TRIQK: variants seen among roughly 807,000 people sequenced by gnomAD.
The protein encoded by TRIQK is triple QxxK/R motif-containing protein.
A neutral mutation model predicts 10.8 loss-of-function variants in TRIQK; 10 were observed. The ratio of observed to expected loss-of-function variants is 0.92; its 90% confidence interval spans 0.57 to 1.57. TRIQK has a LOEUF of 1.57. Among genes scored for constraint, TRIQK ranks in the 40% most tolerant of loss-of-function variants. The pLI is 0.00. For missense variants in TRIQK, 107 were observed against 97.7 expected (o/e 1.09, Z -0.40); for synonymous variants, 33 against 33.7 (o/e 0.98, Z 0.07).
At chr8:92,932,726 CCTT>C (rs1810795622) in intron 2 of TRIQK, among the ~76,000 whole-genome samples, 1 of 151,900 alleles carries the variant, frequency 6.6e-6, no homozygotes, top group African/African-American at 2.4e-5. Context: ...AAAAGCATTT[CCTT>C]CTCTCCATTT....
At chr8:93,004,163 T>C (rs905166035) in intron 1 of TRIQK, among the ~76,000 whole-genome samples, 1 of 152,230 alleles carries the variant, frequency 6.6e-6, no homozygotes, top group African/African-American at 2.4e-5. Context: ...ATGAAGGATC[T>C]AGCCCTGCTG....
At chr8:92,891,808 C>A (rs1414278022) in intron 4 of TRIQK, among the ~76,000 whole-genome samples, 181 bp downstream of exon 4, 1 of 151,836 alleles carries the variant, frequency 6.6e-6, no homozygotes, top group African/African-American at 2.4e-5. Flanking sequence ...CCTTCAAAAT[C>A]TCAGAATAGG....
At chr8:92,987,240 T>A (rs1813044476) in intron 1 of TRIQK, among the ~76,000 whole-genome samples, 1 of 152,174 alleles carries the variant, frequency 6.6e-6, no homozygotes, top group Non-Finnish European at 1.5e-5. Flanking sequence ...TATCAGAAAG[T>A]CCACTTCTGC....
chr8:92,962,638 A>G (rs1030234194), intron 1 of TRIQK, among the ~76,000 whole-genome samples: 1 of 152,194 alleles, frequency 6.6e-6, no homozygotes, highest in Non-Finnish European at 1.5e-5. Flanking sequence ...CCAGAGCACT[A>G]GATTAACAGT....
At chr8:93,003,309 G>GGAGACAGA (rs1813233359) in intron 1 of TRIQK, among the ~76,000 whole-genome samples, 1 of 135,610 alleles carries the variant, frequency 7.4e-6, no homozygotes, top group African/African-American at 3.0e-5. Flanking sequence ...CCCGCTTACA[G>GGAGACAGA]GAGAGAGAGA....
intron 1 of TRIQK, among the ~76,000 whole-genome samples, chr8:92,997,029 A>T (rs1333622024): frequency 6.6e-6 from 1 of 152,028 alleles, no homozygotes; most frequent in African/African-American, 2.4e-5. Context: ...TAGAAAATTT[A>T]TGATGACCAA....
Position 92,884,848 on chromosome 8 carries a change from G to T in TRIQK, c.*1774C>A, listed in dbSNP as rs546252756. ...TGTTCACGTAAATGTGATGGGAGTG[G>T]GGGGGTGGGGAGCAGTATTTCTTGA... On this transcript the variant is annotated 3_prime_UTR_variant, in exon 5 of 5. Coordinates refer to ENST00000521988, the MANE Select transcript of TRIQK (RefSeq NM_001171797.2). The T allele has an allele frequency of 8.8e-6, 4 of 455,762 alleles. No homozygotes were observed. The highest frequency in any genetic ancestry group is 1.8e-5 in the Non-Finnish European group (4 of 226,622). 28.2% of individuals were successfully genotyped at this position (455,762 alleles called of 1,614,324 possible).
At chr8:93,008,866 A>G (rs1813299981) in intron 1 of TRIQK, among the ~76,000 whole-genome samples, 3 of 152,236 alleles carry the variant, frequency 2.0e-5, no homozygotes, top group Admixed American at 2.0e-4. Context: ...AATGCTTGGA[A>G]CCATGAAGCT....
At chr8:92,953,111 C>G (rs1251265407) in intron 2 of TRIQK, among the ~76,000 whole-genome samples, 1 of 152,024 alleles carries the variant, frequency 6.6e-6, no homozygotes, top group Non-Finnish European at 1.5e-5. Context: ...AATGCTGCTT[C>G]TCCAAGTGAT....
At chr8:93,013,145 C>A (rs1813353175) in intron 1 of TRIQK, among the ~76,000 whole-genome samples, 1 of 152,120 alleles carries the variant, frequency 6.6e-6, no homozygotes, top group Non-Finnish European at 1.5e-5. Context: ...CTTTGGGTCG[C>A]TCAATGGTGA....
chr8:92,937,863 T>C (rs908245020), intron 2 of TRIQK, among the ~76,000 whole-genome samples: 2 of 151,966 alleles, frequency 1.3e-5, no homozygotes, highest in Admixed American at 6.6e-5. Context: ...ATATAAACCA[T>C]TGATAATATT....
intron 1 of TRIQK, among the ~76,000 whole-genome samples, chr8:93,010,738 C>T (rs561511416): frequency 6.6e-6 from 1 of 152,116 alleles, no homozygotes; most frequent in African/African-American, 2.4e-5. Flanking sequence ...ACTTCTCAGC[C>T]ATCACATGCA....
chr8:93,009,199 C>A (rs542301660), intron 1 of TRIQK, among the ~76,000 whole-genome samples: 1 of 152,102 alleles, frequency 6.6e-6, no homozygotes, highest in African/African-American at 2.4e-5. Context: ...CCAAAGAAGA[C>A]GTACAAATGG....
In TRIQK at chr8:92,958,673, C is replaced by G. The variant is rs540041242; in HGVS notation, c.-180-4109G>C. Among the ~76,000 whole-genome samples the G allele has an allele frequency of 1.5e-3, 231 of 152,068 alleles. 2 individuals are homozygous for G. The highest frequency in any genetic ancestry group is 4.8e-3 in the African/African-American group (201 of 41,506). On this transcript the variant is annotated intron_variant, in intron 1 of 4. Transcript: ENST00000521988. ...CAAACAGATGCTGGGGTAAGTCAAA[C>G]ACTGAAGGGCAAAAATTGAATAAAT...
rs1816410227 is a variant in TRIQK at position 92,885,165 on chromosome 8, T to C, written c.*1457A>G. Reference sequence around the variant, plus strand: ...TGAGGATATTGGAACCTTTGGCTGTTTTCACACCAATGAAATAAATTATGC... The same window carrying C: ...TGAGGATATTGGAACCTTTGGCTGTCTTCACACCAATGAAATAAATTATGC... On this transcript the variant is annotated 3_prime_UTR_variant, in exon 5 of 5. Coordinates refer to ENST00000521988, the MANE Select transcript of TRIQK (RefSeq NM_001171797.2). The C allele has an allele frequency of 5.4e-6, 2 of 367,264 alleles. No individual in the cohort carries two copies. Among genetic ancestry groups the C allele is most frequent in the African/African-American group, 4.3e-5 (2 of 47,056 alleles). The allele number at this position is 367,264 out of a possible 1,614,324, so 22.8% of individuals were successfully genotyped here.
Position 92,885,012 on chromosome 8 carries a change from G to T in TRIQK, c.*1610C>A, listed in dbSNP as rs1563604203. On this transcript the variant is annotated 3_prime_UTR_variant, in exon 5 of 5. Transcript: ENST00000521988. Reference sequence around the variant, plus strand: ...CAACCTTTCCTAAAAATGCCACTTGGATTGGTCCGCTGTGGTGAGTATATA... The same window carrying T: ...CAACCTTTCCTAAAAATGCCACTTGTATTGGTCCGCTGTGGTGAGTATATA... The T allele has an allele frequency of 4.4e-6, 2 of 456,026 alleles. No individual in the cohort carries two copies. The highest frequency in any genetic ancestry group is 4.7e-5 in the Admixed American group (2 of 42,478). The allele number at this position is 456,026 out of a possible 1,614,324, so 28.2% of individuals were successfully genotyped here. A position where few individuals can be genotyped will look rare whatever the true frequency, so the allele number is the denominator to read the frequency against.
chr8:92,977,884 T>C (rs538403511), intron 1 of TRIQK, among the ~76,000 whole-genome samples: 2 of 152,286 alleles, frequency 1.3e-5, no homozygotes, highest in South Asian at 4.1e-4. Flanking sequence ...ATTTAGTCTC[T>C]GAATTTTGTC....
intron 2 of TRIQK, among the ~76,000 whole-genome samples, chr8:92,945,285 C>A (rs1372082211): frequency 6.6e-6 from 1 of 151,884 alleles, no homozygotes; most frequent in Non-Finnish European, 1.5e-5. Flanking sequence ...ACAGCCCTAT[C>A]ACCACTTTCA....
At chr8:92,929,578 G>A (rs544384202) in intron 2 of TRIQK, 108 of 152,194 alleles carry the variant, frequency 7.1e-4, no homozygotes, top group African/African-American at 2.5e-3. Flanking sequence ...ATACTGCCTG[G>A]AATAGACAAA....
Sources: allele counts gnomAD v4.1 joint callset (sites outside exome capture counted in the v4.1 genomes callset), GRCh38; gene constraint gnomAD v4.1.1; transcripts MANE v1.5; gene names NCBI Gene and HGNC (gene_info 2026-07-23, HGNC 2026-07-21).